CDIN1: variants seen among roughly 807,000 people sequenced by gnomAD.
The protein encoded by CDIN1 is CDAN1-interacting nuclease 1.
CDIN1 carries 33 observed loss-of-function variants against 45.3 expected under a neutral mutation model. That is an observed-to-expected ratio of 0.73 (90% confidence interval 0.55 to 0.97). The LOEUF (loss-of-function observed/expected upper bound fraction) is 0.97. Among genes scored for constraint, CDIN1 ranks in the 50% least tolerant of loss-of-function variants. The probability of loss-of-function intolerance (pLI) is 0.00; values close to 1 mark genes in which losing one functional copy is unlikely to be tolerated. For missense variants in CDIN1, 303 were observed against 339.4 expected (o/e 0.89, Z 0.84); for synonymous variants, 118 against 124.4 (o/e 0.95, Z 0.34).
At chr15:36,803,769 T>A (rs956700409) in intron 10 of CDIN1, among the ~76,000 whole-genome samples, 2 of 152,210 alleles carry the variant, frequency 1.3e-5, no homozygotes, top group Non-Finnish European at 2.9e-5. Context: ...GAACCTTGAC[T>A]GTTCATTTCT....
intron 10 of CDIN1, among the ~76,000 whole-genome samples, chr15:36,803,341 G>A (rs778829635): frequency 2.0e-5 from 3 of 151,726 alleles, no homozygotes; most frequent in Non-Finnish European, 2.9e-5. Flanking sequence ...GCATCAGAAA[G>A]TGACAGAGAA....
intron 10 of CDIN1, among the ~76,000 whole-genome samples, chr15:36,787,443 T>C (rs1303365147): frequency 6.6e-6 from 1 of 152,222 alleles, no homozygotes; most frequent in Admixed American, 6.5e-5. Context: ...GATACTGTAA[T>C]AATAAGAATG....
At chr15:36,698,026 C>T (rs923168694) in intron 8 of CDIN1, among the ~76,000 whole-genome samples, 1 of 152,126 alleles carries the variant, frequency 6.6e-6, no homozygotes, top group Non-Finnish European at 1.5e-5. Context: ...CTCTTCTCCA[C>T]TTTAAATATG....
At chr15:36,666,609 G>A (rs2041258987) in intron 5 of CDIN1, among the ~76,000 whole-genome samples, 1 of 152,100 alleles carries the variant, frequency 6.6e-6, no homozygotes, top group Non-Finnish European at 1.5e-5. Flanking sequence ...TCTGTATTTA[G>A]ATTTCCTTTT....
At chr15:36,604,430 C>CAG (rs1346587592) in intron 1 of CDIN1, among the ~76,000 whole-genome samples, 1 of 150,734 alleles carries the variant, frequency 6.6e-6, no homozygotes, top group Non-Finnish European at 1.5e-5. Context: ...CACACACACA[C>CAG]ACACACACAC....
intron 10 of CDIN1, among the ~76,000 whole-genome samples, chr15:36,783,348 C>CT (rs5811938): frequency 1.2e-4 from 18 of 148,306 alleles, no homozygotes; most frequent in African/African-American, 2.2e-4. Context: ...ATTGGAGTAG[C>CT]TTTTTTTTTT....
intron 10 of CDIN1, 98 bp downstream of exon 10, chr15:36,710,059 G>T: frequency 1.3e-6 from 1 of 755,512 alleles, no homozygotes; most frequent in Non-Finnish European, 2.1e-6. Flanking sequence ...GCTAGTAGCC[G>T]TTGTTTCTAG....
At chr15:36,590,625 C>A (rs1292031776) in intron 1 of CDIN1, among the ~76,000 whole-genome samples, 1 of 152,118 alleles carries the variant, frequency 6.6e-6, no homozygotes, top group East Asian at 1.9e-4. Context: ...CATTGCTCCC[C>A]ACCCCCAACA....
chr15:36,710,220 G>T (rs1173501842), intron 10 of CDIN1, among the ~76,000 whole-genome samples: 1 of 151,912 alleles, frequency 6.6e-6, no homozygotes, highest in Non-Finnish European at 1.5e-5. Flanking sequence ...AATAATATTG[G>T]TGTCACTTAA....
At chr15:36,639,351 A>G (rs1234478673) in intron 1 of CDIN1, among the ~76,000 whole-genome samples, 3 of 133,566 alleles carry the variant, frequency 2.2e-5, no homozygotes, top group Admixed American at 8.0e-5. Context: ...CACGCCTGCA[A>G]TCCCGGCATT....
chr15:36,738,733 C>T (rs1013573482), intron 10 of CDIN1, among the ~76,000 whole-genome samples: 60 of 152,138 alleles, frequency 3.9e-4, no homozygotes, highest in African/African-American at 1.3e-3. Context: ...CTACAGCTTT[C>T]TTTTTTGTTC....
intron 10 of CDIN1, among the ~76,000 whole-genome samples, chr15:36,766,314 C>G (rs2053922870): frequency 6.6e-6 from 1 of 152,100 alleles, no homozygotes; most frequent in Non-Finnish European, 1.5e-5. Flanking sequence ...CATTAACAGA[C>G]CTTTAGGTTG....
intron 1 of CDIN1, among the ~76,000 whole-genome samples, chr15:36,588,863 C>T (rs903785029): frequency 6.6e-6 from 1 of 152,034 alleles, no homozygotes. Context: ...TTGAATTCTT[C>T]GCAGAGGAGT....
intron 10 of CDIN1, among the ~76,000 whole-genome samples, chr15:36,741,911 A>G (rs2044253269): frequency 1.3e-5 from 2 of 152,188 alleles, no homozygotes; most frequent in South Asian, 4.2e-4. Flanking sequence ...GGTACATAAC[A>G]CTAGGAAAGA....
At chr15:36,641,731 A>G (rs7164118) in intron 1 of CDIN1, 129,193 of 149,110 alleles carry the variant, frequency 0.87, 54,807 homozygotes, top group East Asian at 0.97. Context: ...TGCCTTTTTT[A>G]TGTGTGTACT....
Position 36,784,936 on chromosome 15 carries a change from C to T in CDIN1, c.717-23388C>T, listed in dbSNP as rs899148056. On this transcript the variant is annotated intron_variant, in intron 10 of 10. Coordinates refer to ENST00000566621, the MANE Select transcript of CDIN1 (RefSeq NM_001321759.2). Reference sequence around the variant, plus strand: ...GTGGTATGGCAGGTGTGATTTTTCCCTGCCCAAGTGACACCACCAAATACT... The same window carrying T: ...GTGGTATGGCAGGTGTGATTTTTCCTTGCCCAAGTGACACCACCAAATACT... 1.1e-4 allele frequency among the ~76,000 whole-genome samples: 17 copies of T among 152,252 alleles called. 1 individual carries two copies. In the East Asian group the frequency reaches 3.1e-3, roughly 28 times the overall value.
chr15:36,598,448 C>G (rs1341611361), intron 1 of CDIN1, among the ~76,000 whole-genome samples: 2 of 152,204 alleles, frequency 1.3e-5, no homozygotes, highest in Admixed American at 6.5e-5. Context: ...CAGACATGAT[C>G]AGGCCAACAT....
At chr15:36,638,768 G>A (rs976106990) in intron 1 of CDIN1, among the ~76,000 whole-genome samples, 1 of 152,192 alleles carries the variant, frequency 6.6e-6, no homozygotes, top group African/African-American at 2.4e-5. Context: ...TTGACCTCCT[G>A]TGCCTTCAAT....
intron 5 of CDIN1, among the ~76,000 whole-genome samples, chr15:36,687,915 A>C (rs1447989661): frequency 6.6e-6 from 1 of 152,164 alleles, no homozygotes; most frequent in Non-Finnish European, 1.5e-5. Flanking sequence ...AAACAGCAGA[A>C]ATCCATGTTT....
Sources: allele counts gnomAD v4.1 joint callset (sites outside exome capture counted in the v4.1 genomes callset), GRCh38; gene constraint gnomAD v4.1.1; transcripts MANE v1.5; gene names NCBI Gene and HGNC (gene_info 2026-07-23, HGNC 2026-07-21).